LRP1B: variants seen among roughly 807,000 people sequenced by gnomAD.
LRP1B encodes the protein low-density lipoprotein receptor-related protein 1B.
A neutral mutation model predicts 556.6 loss-of-function variants in LRP1B; 217 were observed. The observed-to-expected ratio is 0.39, with a 90% CI of 0.35 to 0.44. LRP1B has a LOEUF of 0.44. Ranked by LOEUF, LRP1B falls within the 20% of genes least tolerant of loss-of-function variation. LRP1B has a pLI of 1.00. For missense variants in LRP1B, 5,053 were observed against 5,620.8 expected, an observed-to-expected ratio of 0.90 and a Z score of 3.23; for synonymous variants, 2,047 against 1,865.8, an observed-to-expected ratio of 1.10 and a Z score of -2.50.
intron 2 of LRP1B, among the ~76,000 whole-genome samples, chr2:141,486,348 T>C (rs1490255786): frequency 6.6e-6 from 1 of 152,220 alleles, no homozygotes; most frequent in Non-Finnish European, 1.5e-5. Context: ...ATGGGATTCA[T>C]CTGTATACTT....
intron 2 of LRP1B, among the ~76,000 whole-genome samples, chr2:141,716,798 A>T (rs546355173): frequency 6.6e-6 from 1 of 152,188 alleles, no homozygotes; most frequent in Non-Finnish European, 1.5e-5. Context: ...TAGCTCTGCA[A>T]TTGATTGTAA....
chr2:141,079,455 T>A (rs1699871317), intron 7 of LRP1B, among the ~76,000 whole-genome samples: 2 of 152,324 alleles, frequency 1.3e-5, no homozygotes, highest in South Asian at 4.1e-4. Flanking sequence ...TAAATAAGGA[T>A]AATAGCACAC....
chr2:141,477,447 TTTCATCA>T (rs1202586795), intron 3 of LRP1B, among the ~76,000 whole-genome samples: 1 of 152,168 alleles, frequency 6.6e-6, no homozygotes, highest in African/African-American at 2.4e-5. Flanking sequence ...GGAAACAATG[TTTCATCA>T]GGTGTGACCA....
At chr2:141,817,831 C>G (rs183599685) in intron 1 of LRP1B, among the ~76,000 whole-genome samples, 6 of 152,044 alleles carry the variant, frequency 3.9e-5, no homozygotes, top group Admixed American at 2.0e-4. Flanking sequence ...TAAAAGGACA[C>G]TATAGAAAAA....
intron 5 of LRP1B, among the ~76,000 whole-genome samples, chr2:141,232,428 A>G (rs1683504666): frequency 6.6e-6 from 1 of 152,226 alleles, no homozygotes. Context: ...TGCAAAGTCC[A>G]GATTTAGACA....
In LRP1B at chr2:141,083,502, G is replaced by A. The variant is rs546157037; in HGVS notation, c.1014-21229C>T. Among the ~76,000 whole-genome samples, 26 of 152,128 alleles carry A rather than the reference G, an allele frequency of 1.7e-4. No homozygotes were observed. In the South Asian group the frequency reaches 4.8e-3, roughly 28 times the overall value. ...ATAATGGTTAAATTTACGGGCTTAA[G>A]GCAAAAACTACTGTCATGGTTTGAA... On this transcript the variant is annotated intron_variant, in intron 7 of 90. Coordinates refer to ENST00000389484, the MANE Select transcript of LRP1B (RefSeq NM_018557.3).
chr2:141,576,441 G>T (rs191000179), intron 2 of LRP1B, among the ~76,000 whole-genome samples: 1 of 152,270 alleles, frequency 6.6e-6, no homozygotes, highest in African/African-American at 2.4e-5. Context: ...ATACACCAGG[G>T]CCTGTTGGGG....
intron 79 of LRP1B, 141 bp from the exon 80 acceptor site, chr2:140,326,019 C>CT: frequency 1.7e-6 from 1 of 605,632 alleles, no homozygotes; most frequent in South Asian, 2.1e-5. Flanking sequence ...CATCATGAAA[C>CT]TGTAGAAATT....
chr2:142,052,098 C>A (rs374187436), intron 1 of LRP1B, among the ~76,000 whole-genome samples: 10 of 151,834 alleles, frequency 6.6e-5, no homozygotes, highest in African/African-American at 2.2e-4. Context: ...TTTGAAAAAT[C>A]AAACAACTAA....
intron 33 of LRP1B, among the ~76,000 whole-genome samples, chr2:140,772,712 T>C (rs1156706445): frequency 1.3e-5 from 2 of 152,194 alleles, no homozygotes; most frequent in African/African-American, 2.4e-5. Flanking sequence ...TATTGAGATG[T>C]AGATGTATTT....
At chr2:140,320,645 C>A (rs1680062531) in intron 82 of LRP1B, among the ~76,000 whole-genome samples, 1 of 151,628 alleles carries the variant, frequency 6.6e-6, no homozygotes, top group South Asian at 2.1e-4. Context: ...CCAGGCAGGT[C>A]TCGAACCCCT....
intron 49 of LRP1B, among the ~76,000 whole-genome samples, chr2:140,522,733 A>G (rs917131550): frequency 6.6e-6 from 1 of 151,940 alleles, no homozygotes; most frequent in African/African-American, 2.4e-5. Context: ...CAAAGGCAAC[A>G]TAACAACTGA....
chr2:140,491,236 T>C (rs1257147179), intron 57 of LRP1B, among the ~76,000 whole-genome samples: 1 of 152,144 alleles, frequency 6.6e-6, no homozygotes, highest in East Asian at 1.9e-4. Context: ...ATAATGAATA[T>C]TGTTCTATAT....
At chr2:141,143,874 AG>A (rs1160688951) in intron 7 of LRP1B, among the ~76,000 whole-genome samples, 1 of 151,892 alleles carries the variant, frequency 6.6e-6, no homozygotes, top group African/African-American at 2.4e-5. Context: ...AAAACTCAGA[AG>A]TTAAATGACT....
intron 1 of LRP1B, among the ~76,000 whole-genome samples, chr2:142,111,768 T>C (rs1039324315): frequency 6.6e-6 from 1 of 152,114 alleles, no homozygotes; most frequent in Admixed American, 6.6e-5. Flanking sequence ...CAGGACTATA[T>C]GACTGACTAC....
chr2:141,622,405 T>C (rs1688535539), intron 2 of LRP1B, among the ~76,000 whole-genome samples: 1 of 152,220 alleles, frequency 6.6e-6, no homozygotes, highest in Non-Finnish European at 1.5e-5. Flanking sequence ...AAGTGGATTC[T>C]TTTTGATTTA....
chr2:140,802,680 A>G (rs1262703577), intron 32 of LRP1B, among the ~76,000 whole-genome samples: 1 of 152,150 alleles, frequency 6.6e-6, no homozygotes, highest in Non-Finnish European at 1.5e-5. Context: ...TGCCCAAAGC[A>G]TTTGTAAATT....
At chr2:140,611,978 G>A (rs1301991017) in intron 41 of LRP1B, among the ~76,000 whole-genome samples, 1 of 152,064 alleles carries the variant, frequency 6.6e-6, no homozygotes. Context: ...TTTAAATGGA[G>A]TGGAAAGGGT....
intron 87 of LRP1B, among the ~76,000 whole-genome samples, chr2:140,240,594 A>T (rs577675017): frequency 1.4e-3 from 206 of 150,998 alleles, no homozygotes; most frequent in Non-Finnish European, 2.2e-3. Flanking sequence ...GACATAGCTA[A>T]TATTAACTTT....
Sources: gnomAD v4.1 joint callset for allele counts (sites outside exome capture counted in the v4.1 genomes callset) on GRCh38, gnomAD v4.1.1 for gene constraint, MANE v1.5 for transcripts, NCBI Gene and HGNC (gene_info 2026-07-23, HGNC 2026-07-21) for gene names.